Variants in CNTNAP2 observed in about 807,000 individuals in gnomAD.
CNTNAP2 encodes contactin-associated protein-like 2.
A neutral mutation model predicts 155.2 loss-of-function variants in CNTNAP2; 98 were observed. The observed-to-expected ratio is 0.63, with a 90% CI of 0.54 to 0.75. The LOEUF (loss-of-function observed/expected upper bound fraction) is 0.75. Ranked by LOEUF, CNTNAP2 falls within the 30% of genes least tolerant of loss-of-function variation. The probability of loss-of-function intolerance (pLI) is 0.00; values close to 1 mark genes in which losing one functional copy is unlikely to be tolerated. For missense variants in CNTNAP2, 1,727 were observed against 1,688.1 expected (o/e 1.02, Z -0.40); for synonymous variants, 651 against 631.2 (o/e 1.03, Z -0.47).
At chr7:147,450,609 A>G (rs761675232) in intron 10 of CNTNAP2, among the ~76,000 whole-genome samples, 4 of 152,196 alleles carry the variant, frequency 2.6e-5, no homozygotes, top group Non-Finnish European at 4.4e-5. Context: ...CCACCTAGCC[A>G]TATTCATCAG....
intron 1 of CNTNAP2, among the ~76,000 whole-genome samples, chr7:146,732,577 C>T (rs148951334): frequency 8.0e-4 from 122 of 152,148 alleles, no homozygotes; most frequent in African/African-American, 2.6e-3. Flanking sequence ...AAGGTTTACT[C>T]ATGTTGTTCT....
intron 9 of CNTNAP2, among the ~76,000 whole-genome samples, chr7:147,334,839 C>T (rs1291495590): frequency 6.6e-6 from 1 of 152,112 alleles, no homozygotes; most frequent in African/African-American, 2.4e-5. Context: ...TGTTGGTAAA[C>T]AAAGATACAT....
chr7:146,607,479 TTTA>T (rs1299906657), intron 1 of CNTNAP2, among the ~76,000 whole-genome samples: 5 of 152,026 alleles, frequency 3.3e-5, no homozygotes, highest in African/African-American at 1.2e-4. Context: ...AATTTATGTT[TTTA>T]TTATTATTTT....
chr7:148,032,968 G>T (rs539168564), intron 15 of CNTNAP2, among the ~76,000 whole-genome samples: 1 of 152,154 alleles, frequency 6.6e-6, no homozygotes, highest in African/African-American at 2.4e-5. Context: ...CCCAGGGCTG[G>T]ATATCAGCCA....
intron 1 of CNTNAP2, among the ~76,000 whole-genome samples, chr7:146,419,293 C>T (rs1245514978): frequency 1.3e-5 from 2 of 152,042 alleles, no homozygotes; most frequent in African/African-American, 4.8e-5. Flanking sequence ...GGAAACTGCC[C>T]TCATCATTCA....
At chr7:146,626,173 A>G (rs1799415935) in intron 1 of CNTNAP2, among the ~76,000 whole-genome samples, 1 of 152,198 alleles carries the variant, frequency 6.6e-6, no homozygotes, top group Non-Finnish European at 1.5e-5. Context: ...TAGATATTAC[A>G]ATGAAACACA....
chr7:146,250,588 A>G (rs1455620828), intron 1 of CNTNAP2, among the ~76,000 whole-genome samples: 4 of 152,104 alleles, frequency 2.6e-5, no homozygotes, highest in African/African-American at 9.7e-5. Context: ...ACTTCTGCTT[A>G]CCCGTGGCCA....
chr7:147,314,184 G>A (rs559612239), intron 9 of CNTNAP2, among the ~76,000 whole-genome samples: 50 of 152,234 alleles, frequency 3.3e-4, no homozygotes, highest in Middle Eastern at 3.4e-3. Context: ...AAAAATGGTT[G>A]AATATCTAAT....
intron 3 of CNTNAP2, among the ~76,000 whole-genome samples, chr7:146,898,345 G>T (rs1014253329): frequency 1.3e-5 from 2 of 151,964 alleles, no homozygotes; most frequent in Non-Finnish European, 2.9e-5. Context: ...AAAATATGGA[G>T]CAAAGACATC....
intron 1 of CNTNAP2, among the ~76,000 whole-genome samples, chr7:146,209,944 C>T (rs1458599588): frequency 2.0e-5 from 3 of 152,096 alleles, no homozygotes; most frequent in Admixed American, 6.6e-5. Flanking sequence ...AGCATTTCAA[C>T]AAGAAGAAAA....
At chr7:147,710,099 C>A (rs949924219) in intron 13 of CNTNAP2, among the ~76,000 whole-genome samples, 1 of 152,084 alleles carries the variant, frequency 6.6e-6, no homozygotes, top group Non-Finnish European at 1.5e-5. Context: ...GCAAGATAAC[C>A]AGCTGGCATC....
At chr7:146,915,409 G>A (rs1228114469) in intron 3 of CNTNAP2, among the ~76,000 whole-genome samples, 1 of 152,102 alleles carries the variant, frequency 6.6e-6, no homozygotes, top group South Asian at 2.1e-4. Flanking sequence ...TGGCAGTATG[G>A]TCATTTTCAC....
Position 148,217,382 on chromosome 7 carries a change from C to A in CNTNAP2, c.3105C>A (p.Asn1035Lys), listed in dbSNP as rs112483670. ...GAGACTCCAGCAGCAGAGTAGACAA[C>A]GCTCCCGACCAGCAGAACTCCCACC... ...NARDSSSRVDNAPDQQNSHPD... is the reference protein window; with the variant it reads ...NARDSSSRVDKAPDQQNSHPD... The change falls in exon 19 of 24, where the codon AAC (asparagine) becomes AAA (lysine). Residue 1035 changes from asparagine (N) to lysine (K), a missense_variant. Transcript: ENST00000361727. 1 of 1,614,174 alleles carries A rather than the reference C, an allele frequency of 6.2e-7. No individual in the cohort carries two copies. The highest frequency in any genetic ancestry group is 1.7e-5 in the Admixed American group (1 of 60,018).
chr7:148,136,840 A>G (rs1804961848), intron 16 of CNTNAP2, among the ~76,000 whole-genome samples: 1 of 152,202 alleles, frequency 6.6e-6, no homozygotes, highest in Admixed American at 6.5e-5. Context: ...AACTAGTCCT[A>G]AAAGGGTTCT....
rs763147267 is a variant in CNTNAP2 at position 147,515,321 on chromosome 7, C to CTTTTTTTTTTTTTTTTTTTTTTTT, written c.1777+29287_1777+29288insTTTTTTTTTTTTTTTTTTTTTTTT. ...ATTTTTCTTCATAGTTCATTATATT[C>CTTTTTTTTTTTTTTTTTTTTTTTT]TTTTTTTGTTTGTTTGTTTTGAGAC... On this transcript the variant is annotated intron_variant, in intron 11 of 23. Transcript: ENST00000361727. Among the ~76,000 whole-genome samples, 5 of 126,168 alleles carry CTTTTTTTTTTTTTTTTTTTTTTTT rather than the reference C, an allele frequency of 4.0e-5. 2 individuals carry two copies. The highest frequency in any genetic ancestry group is 3.3e-5 in the Non-Finnish European group (2 of 60,502). The allele number at this position is 126,168 out of a possible 152,430, so 82.8% of individuals were successfully genotyped here. A position where few individuals can be genotyped will look rare whatever the true frequency, so the allele number is the denominator to read the frequency against.
At chr7:147,262,487 A>G (rs1804497074) in intron 8 of CNTNAP2, among the ~76,000 whole-genome samples, 1 of 152,124 alleles carries the variant, frequency 6.6e-6, no homozygotes, top group Non-Finnish European at 1.5e-5. Context: ...ACAGACACAC[A>G]CAGAGGGAGG....
At chr7:146,352,132 C>T (rs1020051649) in intron 1 of CNTNAP2, among the ~76,000 whole-genome samples, 13 of 152,096 alleles carry the variant, frequency 8.5e-5, no homozygotes, top group African/African-American at 2.7e-4. Context: ...TTTTTTATAT[C>T]GCATTAAGAG....
At chr7:147,669,695 T>A (rs1024571981) in intron 13 of CNTNAP2, among the ~76,000 whole-genome samples, 2 of 152,218 alleles carry the variant, frequency 1.3e-5, no homozygotes, top group African/African-American at 4.8e-5. Flanking sequence ...GCCTCTCATC[T>A]GCATGCTCAA....
At chr7:146,444,307 G>C (rs537189642) in intron 1 of CNTNAP2, among the ~76,000 whole-genome samples, 1 of 152,254 alleles carries the variant, frequency 6.6e-6, no homozygotes, top group South Asian at 2.1e-4. Context: ...CTACAGGCAT[G>C]AACCACCGCA....
Sources: gnomAD v4.1 joint callset for allele counts (sites outside exome capture counted in the v4.1 genomes callset) on GRCh38, gnomAD v4.1.1 for gene constraint, MANE v1.5 for transcripts, NCBI Gene and HGNC (gene_info 2026-07-23, HGNC 2026-07-21) for gene names.